SETD4: variants seen among roughly 807,000 people sequenced by gnomAD.
SETD4 encodes the protein SET domain containing 4.
A neutral mutation model predicts 58.3 loss-of-function variants in SETD4; 46 were observed. That is an observed-to-expected ratio of 0.79 (90% CI 0.62 to 1.01). The LOEUF (loss-of-function observed/expected upper bound fraction) is 1.01, where lower values mean the gene tolerates loss of function less well. Among genes scored for constraint, SETD4 ranks in the 50% least tolerant of loss-of-function variants. The pLI is 0.00. For missense variants in SETD4, 490 were observed against 523.3 expected (o/e 0.94, Z 0.62); for synonymous variants, 190 against 202.6 (o/e 0.94, Z 0.53).
intron 4 of SETD4, among the ~76,000 whole-genome samples, chr21:36,051,975 C>CTTT (rs2064719045): frequency 6.6e-6 from 1 of 151,160 alleles, no homozygotes; most frequent in Non-Finnish European, 1.5e-5. Context: ...GAATATAACC[C>CTTT]AATAAAGGCT....
chr21:36,055,881 A>C (rs1305867748), intron 3 of SETD4, among the ~76,000 whole-genome samples: 2 of 152,112 alleles, frequency 1.3e-5, no homozygotes, highest in Admixed American at 6.5e-5. Context: ...CATCCTTCCT[A>C]GGGCAAATGA....
At chr21:36,050,781 C>T (rs2064637065) in intron 4 of SETD4, 1 of 1,611,512 alleles carries the variant, frequency 6.2e-7, no homozygotes, top group African/African-American at 1.3e-5. Flanking sequence ...CCATGAAGCG[C>T]CATACTTGTT....
intron 4 of SETD4, among the ~76,000 whole-genome samples, chr21:36,049,093 G>C (rs543484500): frequency 6.6e-6 from 1 of 152,082 alleles, no homozygotes; most frequent in African/African-American, 2.4e-5. Flanking sequence ...AGTAAGCGTC[G>C]AACTCTACCA....
chr21:36,058,088 GAA>G (rs1305408849), intron 2 of SETD4, among the ~76,000 whole-genome samples: 1 of 152,208 alleles, frequency 6.6e-6, no homozygotes, highest in East Asian at 1.9e-4. Context: ...ACCAGAAAAA[GAA>G]AGTTGGGAGT....
chr21:36,054,525 C>G (rs934869195), intron 3 of SETD4, among the ~76,000 whole-genome samples: 1 of 152,236 alleles, frequency 6.6e-6, no homozygotes, highest in Admixed American at 6.5e-5. Flanking sequence ...GCTCCCAGCT[C>G]ACGGTGGCTC....
At chr21:36,042,537 T>C (rs1007571812) in intron 7 of SETD4, 2 of 152,228 alleles carry the variant, frequency 1.3e-5, no homozygotes, top group African/African-American at 4.8e-5. Flanking sequence ...GACCCAGTTT[T>C]TGCTTTTCTA....
intron 1 of SETD4, chr21:36,059,720 T>A: frequency 1.0e-6 from 1 of 974,430 alleles, no homozygotes; most frequent in Non-Finnish European, 1.2e-6. Flanking sequence ...AAATAAAAAA[T>A]AAATCTACTT....
rs1028928033 is a variant in SETD4, at chr21:36,034,658, G to A, written c.*1335C>T. ...AAAAAGAAATTCTGGCATAGCACAG[G>A]GGTCAGGAAACTATGGCCCACCACC... On this transcript the variant is annotated 3_prime_UTR_variant, in exon 12 of 12. Transcript: ENST00000332131. The A allele has an allele frequency of 1.3e-5, 2 of 152,192 alleles. No homozygotes were observed. Among genetic ancestry groups the A allele is most frequent in the African/African-American group, 4.8e-5 (2 of 41,428 alleles). 9.4% of individuals were successfully genotyped at this position (152,192 alleles called of 1,614,324 possible).
chr21:36,056,853 T>G lies in SETD4; in HGVS notation c.169+256A>C, dbSNP rs376215805. Among the ~76,000 whole-genome samples the G allele has an allele frequency of 4.3e-4, 65 of 152,268 alleles. No homozygotes were observed. In the East Asian group the frequency reaches 6.6e-3, roughly 15 times the overall value. ...GATTACAGATGTGAGCCACCACGCC[T>G]GGCAAAATGTTAACCTAACCTCCCT... On this transcript the variant is annotated intron_variant, in intron 3 of 11. Transcript: ENST00000332131.
chr21:36,048,174 C>G (rs892772214), intron 5 of SETD4, 134 bp downstream of exon 5: 2 of 761,232 alleles, frequency 2.6e-6, no homozygotes, highest in African/African-American at 1.7e-5. Context: ...GTAAACTTTT[C>G]ACATCATTCA....
At chr21:36,050,898 A>G in intron 4 of SETD4, 22 of 1,611,046 alleles carry the variant, frequency 1.4e-5, no homozygotes, top group Non-Finnish European at 1.9e-5. Context: ...GAGAATGCAA[A>G]GCAACTGCTC....
At chr21:36,041,663 T>C (rs1055090318) in intron 8 of SETD4, 144 bp downstream of exon 8, 4 of 596,042 alleles carry the variant, frequency 6.7e-6, no homozygotes, top group African/African-American at 1.9e-5. Flanking sequence ...AGCGCAGTTT[T>C]ACTGCACATA....
chr21:36,058,900 A>G lies in SETD4; in HGVS notation c.-12T>C, dbSNP rs769658989. 1.3e-6 allele frequency: 2 copies of G among 1,577,104 alleles called. No individual in the cohort carries two copies. Among genetic ancestry groups the G allele is most frequent in the Admixed American group, 2.0e-5 (1 of 50,972 alleles). On this transcript the variant is annotated 5_prime_UTR_variant, in exon 2 of 12. Coordinates refer to ENST00000332131, the MANE Select transcript of SETD4 (RefSeq NM_017438.5). ...TTTCCTTTCTGCATGCTAAAACTGT[A>G]GTTTCTTTTTTCTGAAATACAGTTC...
intron 6 of SETD4, among the ~76,000 whole-genome samples, chr21:36,044,800 C>T (rs982582736): frequency 9.9e-5 from 15 of 152,168 alleles, no homozygotes; most frequent in African/African-American, 3.4e-4. Context: ...ATGAAGGCGA[C>T]GGCCAGGACA....
At chr21:36,042,612 G>A (rs1217318088) in intron 7 of SETD4, 1 of 152,100 alleles carries the variant, frequency 6.6e-6, no homozygotes, top group Non-Finnish European at 1.5e-5. Context: ...GCTTGGCCAA[G>A]TTTCTATCTC....
chr21:36,052,439 T>G (rs181545088), intron 4 of SETD4, among the ~76,000 whole-genome samples: 7 of 151,162 alleles, frequency 4.6e-5, no homozygotes, highest in African/African-American at 7.3e-5. Context: ...TGCCTGTAAT[T>G]TCAGCTACTT....
chr21:36,040,532 T>G (rs1230650888), intron 9 of SETD4, 43 bp downstream of exon 9: 2 of 1,539,856 alleles, frequency 1.3e-6, no homozygotes, highest in Non-Finnish European at 1.8e-6. Context: ...AAGTTATATC[T>G]AGCCTGTTGC....
At chr21:36,039,527 G>A (rs116577105) in intron 9 of SETD4, among the ~76,000 whole-genome samples, 11 of 152,298 alleles carry the variant, frequency 7.2e-5, no homozygotes, top group African/African-American at 2.6e-4. Context: ...AAGGTAAGAT[G>A]AATGAAGGCA....
intron 6 of SETD4, 63 bp downstream of exon 6, chr21:36,045,519 G>T (rs772406370): frequency 7.7e-6 from 12 of 1,559,502 alleles, no homozygotes; most frequent in Non-Finnish European, 7.0e-6. Context: ...TACAGCCACA[G>T]GTTCTGGGCA....
Sources: gnomAD v4.1 joint callset for allele counts (sites outside exome capture counted in the v4.1 genomes callset) on GRCh38, gnomAD v4.1.1 for gene constraint, MANE v1.5 for transcripts, NCBI Gene and HGNC (gene_info 2026-07-23, HGNC 2026-07-21) for gene names.